The following SLC7A1 variants were observed in gnomAD, a reference collection of about 807,000 sequenced individuals.
SLC7A1 encodes the protein solute carrier family 7 member 1, also known as high affinity cationic amino acid transporter 1.
A neutral mutation model predicts 53.9 loss-of-function variants in SLC7A1; 10 were observed. That is an observed-to-expected ratio of 0.19 (90% CI 0.11 to 0.31). SLC7A1 has a LOEUF of 0.31. Ranked by LOEUF, SLC7A1 falls within the 10% of genes least tolerant of loss-of-function variation. The probability of loss-of-function intolerance (pLI) is 1.00; values close to 1 mark genes in which losing one functional copy is unlikely to be tolerated. For missense variants in SLC7A1, 525 were observed against 827.2 expected (o/e 0.63, Z 4.48); for synonymous variants, 342 against 338.7 (o/e 1.01, Z -0.11).
At chr13:29,540,343 T>G (rs1593553821) in intron 2 of SLC7A1, among the ~76,000 whole-genome samples, 1 of 152,244 alleles carries the variant, frequency 6.6e-6, no homozygotes, top group African/African-American at 2.4e-5. Context: ...CCCTGTCATT[T>G]ATTATCAAAG....
intron 2 of SLC7A1, among the ~76,000 whole-genome samples, chr13:29,543,312 T>C (rs1259639970): frequency 6.6e-6 from 1 of 152,206 alleles, no homozygotes; most frequent in Non-Finnish European, 1.5e-5. Context: ...GAGGCCTTGG[T>C]TACAAAGACA....
In SLC7A1 at chr13:29,512,059, C is replaced by T. The variant is rs1883408900; in HGVS notation, c.*2421G>A. On this transcript the variant is annotated 3_prime_UTR_variant, in exon 13 of 13. Transcript: ENST00000380752. ...TCTATTAAAATTGTAAGGCTTACTC[C>T]AGACACCATTGCTTAAATCACTCCC... The T allele has an allele frequency of 6.6e-6, 1 of 152,130 alleles. No individual in the cohort carries two copies. The highest frequency in any genetic ancestry group is 2.4e-5 in the African/African-American group (1 of 41,428). 9.4% of individuals were successfully genotyped at this position (152,130 alleles called of 1,614,324 possible).
At chr13:29,588,119 G>A (rs1416060208) in intron 1 of SLC7A1, among the ~76,000 whole-genome samples, 1 of 152,052 alleles carries the variant, frequency 6.6e-6, no homozygotes, top group African/African-American at 2.4e-5. Context: ...TCTTTTGAAA[G>A]AACCCCCACA....
rs190809111 is a variant in SLC7A1 at position 29,564,392 on chromosome 13, G to C, written c.-114-10532C>G. ...TAATACTTAAGCCAAGCCTTTGAAG[G>C]TTATACAGCTGTTACAATTGCTTCA... is the stretch of plus-strand genomic sequence containing the variant. On this transcript the variant is annotated intron_variant, in intron 1 of 12. Coordinates refer to ENST00000380752, the MANE Select transcript of SLC7A1 (RefSeq NM_003045.5). Among the ~76,000 whole-genome samples the C allele has an allele frequency of 2.9e-4, 44 of 152,290 alleles. No homozygotes were observed. In the East Asian group the frequency reaches 8.3e-3, roughly 29 times the overall value.
chr13:29,527,419 A>G (rs1279306661), intron 5 of SLC7A1, among the ~76,000 whole-genome samples: 1 of 152,164 alleles, frequency 6.6e-6, no homozygotes, highest in African/African-American at 2.4e-5. Context: ...TCAACACAAA[A>G]TAACCACAGA....
chr13:29,569,639 C>T (rs770054454), intron 1 of SLC7A1, among the ~76,000 whole-genome samples: 2 of 152,212 alleles, frequency 1.3e-5, no homozygotes, highest in African/African-American at 4.8e-5. Flanking sequence ...AGAGTACCCA[C>T]AGTGAGTCTA....
At chr13:29,522,656 A>G (rs943680854) in intron 7 of SLC7A1, among the ~76,000 whole-genome samples, 200 bp from the exon 8 acceptor site, 4 of 152,214 alleles carry the variant, frequency 2.6e-5, no homozygotes, top group Non-Finnish European at 4.4e-5. Flanking sequence ...CACACTGTGA[A>G]TAAGGATTAA....
intron 9 of SLC7A1, among the ~76,000 whole-genome samples, chr13:29,518,550 T>C (rs1164681503): frequency 6.6e-6 from 1 of 152,138 alleles, no homozygotes; most frequent in Non-Finnish European, 1.5e-5. Flanking sequence ...GCAACCCCAC[T>C]CGGTCAATTA....
intron 2 of SLC7A1, among the ~76,000 whole-genome samples, chr13:29,536,785 T>C (rs1186263695): frequency 2.0e-5 from 3 of 152,220 alleles, no homozygotes; most frequent in African/African-American, 7.2e-5. Context: ...CAGAAAAATG[T>C]TGAGTTATTA....
chr13:29,536,798 A>G (rs746438130), intron 2 of SLC7A1, among the ~76,000 whole-genome samples: 9 of 152,264 alleles, frequency 5.9e-5, no homozygotes, highest in Non-Finnish European at 1.0e-4. Flanking sequence ...AGTTATTACA[A>G]GTGAGGGCTT....
At chr13:29,562,642 A>T (rs1870811335) in intron 1 of SLC7A1, among the ~76,000 whole-genome samples, 1 of 152,206 alleles carries the variant, frequency 6.6e-6, no homozygotes, top group African/African-American at 2.4e-5. Context: ...ATTACCTCGC[A>T]CAGTTATCAT....
chr13:29,589,845 C>T lies in SLC7A1; in HGVS notation c.-115+5571G>A, dbSNP rs1160106334. Reference sequence around the variant, plus strand: ...GCCACTGACTGCCTACCTGTGTGCCCGTGGGCCACCTGCCTTCCCCTCTCC... The same window carrying T: ...GCCACTGACTGCCTACCTGTGTGCCTGTGGGCCACCTGCCTTCCCCTCTCC... On this transcript the variant is annotated intron_variant, in intron 1 of 12. Coordinates refer to ENST00000380752, the MANE Select transcript of SLC7A1 (RefSeq NM_003045.5). Among the ~76,000 whole-genome samples the T allele has an allele frequency of 2.6e-5, 4 of 152,144 alleles. No homozygotes were observed. The East Asian group carries it at 7.7e-4, about 29-fold the overall frequency.
chr13:29,539,477 A>G (rs2989597), intron 2 of SLC7A1, among the ~76,000 whole-genome samples: 6,369 of 152,308 alleles, frequency 0.042, 473 homozygotes, highest in African/African-American at 0.14. Context: ...GGGACCTCTG[A>G]ACCCCCTTCA....
intron 4 of SLC7A1, among the ~76,000 whole-genome samples, chr13:29,531,530 G>A (rs894624859): frequency 3.3e-5 from 5 of 152,136 alleles, no homozygotes; most frequent in Admixed American, 1.3e-4. Context: ...TGCCATGGAC[G>A]CCTCTCATCG....
At chr13:29,573,715 T>C (rs1871294487) in intron 1 of SLC7A1, among the ~76,000 whole-genome samples, 1 of 152,182 alleles carries the variant, frequency 6.6e-6, no homozygotes. Context: ...GTCCCAAATA[T>C]TGCCAACAAA....
chr13:29,567,652 C>T (rs1318408656), intron 1 of SLC7A1, among the ~76,000 whole-genome samples: 1 of 152,190 alleles, frequency 6.6e-6, no homozygotes, highest in Non-Finnish European at 1.5e-5. Context: ...GTACAACTCC[C>T]TGCAGGCGGG....
intron 5 of SLC7A1, among the ~76,000 whole-genome samples, chr13:29,528,084 G>T (rs925357526): frequency 1.3e-5 from 2 of 152,236 alleles, no homozygotes; most frequent in Admixed American, 6.5e-5. Context: ...CCGCTGACTG[G>T]AGCTGGAGAA....
At chr13:29,559,178 A>T (rs866630556) in intron 1 of SLC7A1, among the ~76,000 whole-genome samples, 2 of 554 alleles carry the variant, frequency 3.6e-3, no homozygotes, top group African/African-American at 0.017. Flanking sequence ...TGAGGGGGAG[A>T]GAATGTGAGT....
intron 10 of SLC7A1, 83 bp downstream of exon 10, chr13:29,517,490 G>T (rs1868406551): frequency 3.1e-6 from 4 of 1,287,798 alleles, no homozygotes; most frequent in African/African-American, 2.9e-5. Flanking sequence ...ATCTTCTCTG[G>T]CACCTTCCCC....
Sources: gnomAD v4.1 joint callset for allele counts (sites outside exome capture counted in the v4.1 genomes callset) on GRCh38, gnomAD v4.1.1 for gene constraint, MANE v1.5 for transcripts, NCBI Gene and HGNC (gene_info 2026-07-23, HGNC 2026-07-21) for gene names.